VASP: variants seen among roughly 807,000 people sequenced by gnomAD.
VASP encodes the protein vasodilator-stimulated phosphoprotein.
Under a neutral mutation model 54.4 loss-of-function variants are expected in VASP, and 27 were observed. The observed-to-expected ratio is 0.50, with a 90% confidence interval of 0.37 to 0.68. The LOEUF (loss-of-function observed/expected upper bound fraction) is 0.68. Among genes scored for constraint, VASP ranks in the 30% least tolerant of loss-of-function variants. VASP has a pLI of 0.00. For synonymous variants in VASP, 233 were observed against 209.8 expected (o/e 1.11, Z -0.96); for missense variants, 488 against 528.3 (o/e 0.92, Z 0.75).
chr19:45,519,894 CTTTTTTTTTTTTTTT>C (rs57892194), intron 3 of VASP, among the ~76,000 whole-genome samples: 3 of 50,974 alleles, frequency 5.9e-5, no homozygotes, highest in Non-Finnish European at 1.0e-4. Context: ...TGCGCCCGGC[CTTTTTTTTTTTTTTT>C]TTTTTTTTTT....
rs1228071836 is a variant in VASP, at chr19:45,517,667, A to G, written c.10A>G (p.Thr4Ala). ...CCCTTTTCCTCCCGCCTGCAGCGAG[A>G]CGGTCATCTGTTCCAGCCGGGCCAC... Reference protein sequence around the residue: MSETVICSSRATVM... With the variant: MSEAVICSSRATVM... Residue 4 changes from threonine to alanine, a missense_variant, in exon 2 of 13, where the codon ACG (threonine) becomes GCG (alanine). Physicochemically the swap from Thr to Ala is moderately conservative, Grantham distance 58 (BLOSUM62 0). Around this residue, in one of 4 missense-constraint regions of VASP, gnomAD observed 127 missense variants for 170.7 expected, o/e 0.74. Transcript: ENST00000245932. 8.1e-6 allele frequency: 13 copies of G among 1,607,942 alleles called. No individual in the cohort carries two copies. Among genetic ancestry groups the G allele is most frequent in the Non-Finnish European group, 1.1e-5 (13 of 1,179,794 alleles).
At chr19:45,519,596 CT>C (rs35957572) in intron 3 of VASP, among the ~76,000 whole-genome samples, 159 of 123,262 alleles carry the variant, frequency 1.3e-3, no homozygotes, top group Admixed American at 2.3e-3. Flanking sequence ...AGCCCAGTTG[CT>C]TTTTTTTTTT....
intron 11 of VASP, chr19:45,525,071 T>TG (rs1352175944): frequency 1.0e-5 from 2 of 191,292 alleles, no homozygotes; most frequent in Non-Finnish European, 2.2e-5. Context: ...ATGGTGTCGA[T>TG]GTAGGGGTAG....
intron 11 of VASP, among the ~76,000 whole-genome samples, chr19:45,525,242 C>T (rs1392017636): frequency 6.6e-6 from 1 of 151,990 alleles, no homozygotes; most frequent in Non-Finnish European, 1.5e-5. Context: ...CATCGGGAGA[C>T]CCCCATCTCT....
At chr19:45,523,727 C>T in intron 8 of VASP, 32 bp downstream of exon 8, 1 of 1,614,072 alleles carries the variant, frequency 6.2e-7, no homozygotes, top group Non-Finnish European at 8.5e-7. Context: ...CCCTACATCT[C>T]TTAGGCCGTA....
chr19:45,517,771 C>T lies in VASP; in HGVS notation c.114C>T (p.Ile38=). The T allele has an allele frequency of 6.8e-6, 11 of 1,613,850 alleles. No individual in the cohort carries two copies. The highest frequency in any genetic ancestry group is 9.3e-6 in the Non-Finnish European group (11 of 1,180,034). The part of the protein sequence containing the change: ...TGPQAFSRVQ[I]YHNPTANSFR... ...CCCAGGCCTTCAGCCGCGTCCAGATCTACCACAACCCCACGGCCAATTCCT... is the reference window on the plus strand; with the variant it reads ...CCCAGGCCTTCAGCCGCGTCCAGATTTACCACAACCCCACGGCCAATTCCT... Residue 38 remains isoleucine (I), a synonymous_variant, in exon 2 of 13, where the codon ATC becomes ATT. Transcript: ENST00000245932.
At chr19:45,512,867 G>A (rs1272931291) in intron 1 of VASP, among the ~76,000 whole-genome samples, 2 of 152,198 alleles carry the variant, frequency 1.3e-5, no homozygotes, top group Non-Finnish European at 2.9e-5. Flanking sequence ...CCAAAGTGCT[G>A]GGATTACAGG....
chr19:45,512,897 C>A (rs558496689), intron 1 of VASP, among the ~76,000 whole-genome samples: 5 of 152,348 alleles, frequency 3.3e-5, no homozygotes, highest in African/African-American at 9.6e-5. Context: ...CCGCACCCGA[C>A]CTTTTTTTTG....
chr19:45,524,435 A>T, intron 10 of VASP, 135 bp from the exon 11 acceptor site: 3 of 885,740 alleles, frequency 3.4e-6, no homozygotes, highest in Non-Finnish European at 3.6e-6. Flanking sequence ...AAAAAAAAAA[A>T]AACTGGGGCC....
rs763976754 is a variant in VASP at position 45,522,701 on chromosome 19, C to T, written c.721-17C>T. 14 of 1,603,816 alleles carry T rather than the reference C, an allele frequency of 8.7e-6. No homozygotes were observed. Among genetic ancestry groups the T allele is most frequent in the Non-Finnish European group, 1.2e-5 (14 of 1,177,376 alleles). On this transcript the variant is annotated splice_polypyrimidine_tract_variant and intron_variant, in intron 6 of 12. Coordinates refer to ENST00000245932, the MANE Select transcript of VASP (RefSeq NM_003370.4). ...AGGCCTGCCCCTAAAGCTCCTGCCC[C>T]TTTTAAATTTCTCCAGCAGGAGGAG...
Position 45,522,466 on chromosome 19 carries a change from G to T in VASP, c.605G>T (p.Gly202Val). The stretch of plus-strand genomic sequence containing the variant: ...CCAGCTGCAGCGCACGGAGCAGGGG[G>T]AGGACCACCCCCTGCACCCCCTCTC... ...GVPAAAHGAGGGPPPAPPLPA... is the reference protein window; with the variant it reads ...GVPAAAHGAGVGPPPAPPLPA... The change falls in exon 6 of 13, where the codon GGA (glycine) becomes GTA (valine). Residue 202 changes from glycine (G) to valine (V), a missense_variant. Around this residue, in one of 4 missense-constraint regions of VASP, gnomAD observed 226 missense variants for 196.0 expected, o/e 1.15. Transcript: ENST00000245932. The T allele has an allele frequency of 6.7e-7, 1 of 1,488,956 alleles. No homozygotes were observed. Among genetic ancestry groups the T allele is most frequent in the South Asian group, 1.4e-5 (1 of 73,044 alleles). 92.2% of individuals were successfully genotyped at this position (1,488,956 alleles called of 1,614,324 possible). A position where few individuals can be genotyped will look rare whatever the true frequency, so the allele number is the denominator to read the frequency against.
At position 45,523,856 on chromosome 19, in the gene VASP, GCCAGAGTCCCGGC is replaced by G; in HGVS notation, c.897_909del (p.Pro300AsnfsTer17). On this transcript the variant is annotated frameshift_variant, in exon 9 of 13. Transcript: ENST00000245932. LOFTEE classifies it high-confidence loss of function. ...TTCCTACCAGCAGGAGGAGCCAGAG[GCCAGAGTCCCGGC>G]CCAGAGTGGTGAGTAGAGTGCCCAG... 1 of 1,613,986 alleles carries G rather than the reference GCCAGAGTCCCGGC, an allele frequency of 6.2e-7. No individual in the cohort carries two copies. The highest frequency in any genetic ancestry group is 8.5e-7 in the Non-Finnish European group (1 of 1,179,998).
In VASP at chr19:45,507,689, C is replaced by G. The variant is rs1968513844; in HGVS notation, c.-83C>G. On this transcript the variant is annotated 5_prime_UTR_variant, in exon 1 of 13. Transcript: ENST00000245932. This position sits in a 1 kb window ranked among gnomAD's most constrained non-coding sequence, Gnocchi z 4.4. ...GGGGAGCCTGAGCCGAGCCCGGAGC[C>G]AGCCCCGAACCCCTGAACCTCCAGC... 6.7e-7 allele frequency: 1 copy of G among 1,499,760 alleles called. No individual in the cohort carries two copies. Among genetic ancestry groups the G allele is most frequent in the African/African-American group, 1.4e-5 (1 of 69,622 alleles). 92.9% of individuals were successfully genotyped at this position (1,499,760 alleles called of 1,614,324 possible). A position where few individuals can be genotyped will look rare whatever the true frequency, so the allele number is the denominator to read the frequency against.
At position 45,507,617 on chromosome 19, in the gene VASP, G is replaced by A; in HGVS notation, c.-155G>A. On this transcript the variant is annotated 5_prime_UTR_variant, in exon 1 of 13. Transcript: ENST00000245932. This position sits in a 1 kb window ranked among gnomAD's most constrained non-coding sequence, Gnocchi z 4.4. ...GGCGCCCGGAGACCCGCCCCGGCCC[G>A]GTCCACATTCTCCCCAGGAAGCCGG... 1 of 923,504 alleles carries A rather than the reference G, an allele frequency of 1.1e-6. No individual in the cohort carries two copies. The allele number at this position is 923,504 out of a possible 1,614,324, so 57.2% of individuals were successfully genotyped here. A position where few individuals can be genotyped will look rare whatever the true frequency, so the allele number is the denominator to read the frequency against.
intron 1 of VASP, among the ~76,000 whole-genome samples, chr19:45,516,679 T>C (rs1005769170): frequency 6.6e-5 from 10 of 152,174 alleles, no homozygotes; most frequent in Non-Finnish European, 1.3e-4. Context: ...TTTTGTTGTG[T>C]TGTGTTTTTT....
chr19:45,508,351 G>A (rs28564597), intron 1 of VASP, among the ~76,000 whole-genome samples: 1 of 152,168 alleles, frequency 6.6e-6, no homozygotes. Context: ...TGTGGAGGAG[G>A]CTGGTGTGAA....
chr19:45,517,718 A>G lies in VASP; in HGVS notation c.61A>G (p.Lys21Glu). 1 of 1,612,994 alleles carries G rather than the reference A, an allele frequency of 6.2e-7. No homozygotes were observed. The highest frequency in any genetic ancestry group is 8.5e-7 in the Non-Finnish European group (1 of 1,180,026). The change falls in exon 2 of 13, where the codon AAG becomes GAG. Residue 21 changes from lysine to glutamate, a missense_variant. Coordinates refer to ENST00000245932, the MANE Select transcript of VASP (RefSeq NM_003370.4). ...ATVMLYDDGN[K>E]RWLPAGTGPQ... is the part of the protein sequence containing the mutation. ...TGTGATGCTTTATGATGATGGCAACAAGCGATGGCTCCCTGCTGGCACGGG... is the reference window on the plus strand; with the variant it reads ...TGTGATGCTTTATGATGATGGCAACGAGCGATGGCTCCCTGCTGGCACGGG...
chr19:45,509,778 T>C (rs1328021216), intron 1 of VASP, among the ~76,000 whole-genome samples: 1 of 152,176 alleles, frequency 6.6e-6, no homozygotes, highest in African/African-American at 2.4e-5. Flanking sequence ...CATGCCCCTA[T>C]TACCCAGCTG....
intron 1 of VASP, among the ~76,000 whole-genome samples, chr19:45,516,983 C>CAAGAA (rs1968715072): frequency 1.7e-5 from 1 of 57,868 alleles, no homozygotes; most frequent in African/African-American, 6.9e-5. Context: ...GACTCTGTCT[C>CAAGAA]AAAAAAAAAA....
Sources: gnomAD v4.1 joint callset for allele counts (sites outside exome capture counted in the v4.1 genomes callset) on GRCh38, gnomAD v4.1.1 for gene constraint, gnomAD v4.1.1 regional missense constraint, Gnocchi (gnomAD v3.1) non-coding constraint, MANE v1.5 for transcripts, NCBI Gene and HGNC (gene_info 2026-07-23, HGNC 2026-07-21) for gene names.